Variants in CADM2 observed in about 807,000 individuals in gnomAD.
The protein encoded by CADM2 is immunoglobulin superfamily member 4D.
A neutral mutation model predicts 49.8 loss-of-function variants in CADM2; 12 were observed. That is an observed-to-expected ratio of 0.24 (90% CI 0.15 to 0.39). CADM2 has a LOEUF of 0.39. Ranked by LOEUF, CADM2 falls within the 10% of genes least tolerant of loss-of-function variation. The pLI is 1.00. For synonymous variants in CADM2, 214 were observed against 175.4 expected, an observed-to-expected ratio of 1.22 and a Z score of -1.74; for missense variants, 378 against 492.3, an observed-to-expected ratio of 0.77 and a Z score of 2.20.
chr3:85,099,689 C>G (rs2037938802), intron 1 of CADM2, among the ~76,000 whole-genome samples: 1 of 152,142 alleles, frequency 6.6e-6, no homozygotes, highest in Middle Eastern at 3.4e-3. Flanking sequence ...AGGCTAGTCT[C>G]GAACTCCCAA....
intron 1 of CADM2, among the ~76,000 whole-genome samples, chr3:85,596,109 A>C (rs1047102672): frequency 6.6e-6 from 1 of 151,890 alleles, no homozygotes; most frequent in Non-Finnish European, 1.5e-5. Flanking sequence ...TTTATCTGAA[A>C]AATATGTATT....
intron 1 of CADM2, among the ~76,000 whole-genome samples, chr3:85,231,374 GT>G (rs1013377468): frequency 2.0e-5 from 3 of 151,858 alleles, no homozygotes; most frequent in African/African-American, 7.3e-5. Flanking sequence ...GTTTTTCTAA[GT>G]TTCAAAGAGC....
chr3:85,502,718 A>G (rs747930161), intron 1 of CADM2, among the ~76,000 whole-genome samples: 6 of 152,152 alleles, frequency 3.9e-5, no homozygotes, highest in Non-Finnish European at 7.4e-5. Flanking sequence ...AATGTACTTG[A>G]TCACTGTTTC....
At chr3:85,081,439 A>G (rs2037161177) in intron 1 of CADM2, among the ~76,000 whole-genome samples, 1 of 152,172 alleles carries the variant, frequency 6.6e-6, no homozygotes, top group Non-Finnish European at 1.5e-5. Flanking sequence ...TATTTGAAAT[A>G]TTTGGAAACA....
chr3:85,630,919 GA>G (rs1024493861), intron 1 of CADM2, among the ~76,000 whole-genome samples: 40 of 145,386 alleles, frequency 2.8e-4, no homozygotes, highest in East Asian at 1.0e-3. Flanking sequence ...ATTACAATTA[GA>G]AAAAAAAAAG....
In CADM2 at chr3:85,947,407, G is replaced by A. The variant is rs574180732; in HGVS notation, c.791+11550G>A. ...TGTATGTGTGTGTGTGTCTGTGTGTGTGTTGTACTTTGTGTTCTGATATAT... is the reference window on the plus strand; with the variant it reads ...TGTATGTGTGTGTGTGTCTGTGTGTATGTTGTACTTTGTGTTCTGATATAT... On this transcript the variant is annotated intron_variant, in intron 7 of 9. Coordinates refer to ENST00000383699, the MANE Select transcript of CADM2 (RefSeq NM_001167675.2). 5.9e-5 allele frequency among the ~76,000 whole-genome samples: 9 copies of A among 151,724 alleles called. No individual in the cohort carries two copies. The East Asian group carries it at 1.8e-3, about 30-fold the overall frequency.
chr3:85,379,641 T>C (rs895077802), intron 1 of CADM2, among the ~76,000 whole-genome samples: 1 of 152,004 alleles, frequency 6.6e-6, no homozygotes, highest in Non-Finnish European at 1.5e-5. Flanking sequence ...GAGAATAGCC[T>C]TCAGTAATAA....
chr3:85,266,107 C>T (rs79801905), intron 1 of CADM2, among the ~76,000 whole-genome samples: 5,301 of 151,918 alleles, frequency 0.035, 114 homozygotes, highest in Middle Eastern at 0.058. Flanking sequence ...GATTCTTCAT[C>T]ACGCTATGCT....
chr3:85,604,745 T>C (rs1365465059), intron 1 of CADM2, among the ~76,000 whole-genome samples: 1 of 151,994 alleles, frequency 6.6e-6, no homozygotes, highest in East Asian at 1.9e-4. Flanking sequence ...CCTCCTAGAG[T>C]AATCCATCAT....
At chr3:85,560,933 A>G (rs1530738) in intron 1 of CADM2, among the ~76,000 whole-genome samples, 77,930 of 152,060 alleles carry the variant, frequency 0.51, 23,054 homozygotes, top group East Asian at 0.85. Context: ...TCCCTGCCAT[A>G]TGAATCCTTT....
chr3:85,791,366 A>T (rs1216309634), intron 2 of CADM2, among the ~76,000 whole-genome samples: 1 of 152,150 alleles, frequency 6.6e-6, no homozygotes, highest in African/African-American at 2.4e-5. Context: ...TCAGTAATTT[A>T]GTGGAAGTAA....
chr3:85,372,363 G>A (rs968628910), intron 1 of CADM2, among the ~76,000 whole-genome samples: 15 of 150,208 alleles, frequency 1.0e-4, no homozygotes, highest in Admixed American at 1.3e-4. Flanking sequence ...GTGTGTGTGT[G>A]TATATATATA....
At chr3:85,121,650 T>C (rs573481751) in intron 1 of CADM2, among the ~76,000 whole-genome samples, 1 of 152,332 alleles carries the variant, frequency 6.6e-6, no homozygotes, top group African/African-American at 2.4e-5. Context: ...TGTTATTTAG[T>C]ATTCAATACC....
chr3:85,491,781 C>G (rs373538599), intron 1 of CADM2, among the ~76,000 whole-genome samples: 6 of 151,992 alleles, frequency 3.9e-5, no homozygotes, highest in African/African-American at 1.4e-4. Context: ...GAAACCCCAT[C>G]TCTACTAAAA....
At chr3:86,011,260 A>C (rs567073192) in intron 8 of CADM2, among the ~76,000 whole-genome samples, 4 of 152,254 alleles carry the variant, frequency 2.6e-5, no homozygotes, top group Middle Eastern at 6.8e-3. Flanking sequence ...AATAATATAC[A>C]ATCATATACT....
At chr3:85,408,009 C>CAAAAAAAAAAAAAAAAAA (rs2035473092) in intron 1 of CADM2, among the ~76,000 whole-genome samples, 1 of 5,352 alleles carries the variant, frequency 1.9e-4, no homozygotes, top group Admixed American at 5.7e-3. Flanking sequence ...CAAAACAAAA[C>CAAAAAAAAAAAAAAAAAA]CAAAAAAAAA....
At chr3:85,615,669 C>G (rs574665570) in intron 1 of CADM2, among the ~76,000 whole-genome samples, 3 of 151,590 alleles carry the variant, frequency 2.0e-5, no homozygotes, top group South Asian at 4.2e-4. Flanking sequence ...ATCCTTTAAA[C>G]TCAGGATAGC....
intron 1 of CADM2, among the ~76,000 whole-genome samples, chr3:85,526,722 A>T (rs572867091): frequency 6.6e-6 from 1 of 152,292 alleles, no homozygotes; most frequent in South Asian, 2.1e-4. Flanking sequence ...ATTCTCTACT[A>T]AAATGGGTTA....
chr3:85,467,649 T>C (rs1165540595), intron 1 of CADM2, among the ~76,000 whole-genome samples: 2 of 152,186 alleles, frequency 1.3e-5, no homozygotes, highest in Non-Finnish European at 2.9e-5. Flanking sequence ...AAAGATTCAT[T>C]TGGTATTCTA....
Sources: allele counts gnomAD v4.1 joint callset (sites outside exome capture counted in the v4.1 genomes callset), GRCh38; gene constraint gnomAD v4.1.1; transcripts MANE v1.5; gene names NCBI Gene and HGNC (gene_info 2026-07-23, HGNC 2026-07-21).